Variants in EDN1 observed in about 807,000 individuals in gnomAD.
EDN1 encodes the protein endothelin 1, also known as endothelin-1.
Under a neutral mutation model 21.7 loss-of-function variants are expected in EDN1, and 11 were observed. The observed-to-expected ratio is 0.51, with a 90% CI of 0.32 to 0.84. The LOEUF (loss-of-function observed/expected upper bound fraction) is 0.84, where lower values mean the gene tolerates loss of function less well. Among genes scored for constraint, EDN1 ranks in the 40% least tolerant of loss-of-function variants. The probability of loss-of-function intolerance (pLI) is 0.03; values close to 1 mark genes in which losing one functional copy is unlikely to be tolerated. For synonymous variants in EDN1, 85 were observed against 90.6 expected (o/e 0.94, Z 0.35); for missense variants, 244 against 262.3 (o/e 0.93, Z 0.48).
At chr6:12,270,665 T>G in the EDN1 span, among the ~76,000 whole-genome samples, 1 of 152,122 alleles carries the variant, frequency 6.6e-6, no homozygotes, top group East Asian at 1.9e-4. Context: ...ATTTAAAAAT[T>G]TTTTTTGACA....
the EDN1 span, among the ~76,000 whole-genome samples, chr6:12,253,166 T>C: frequency 6.6e-6 from 1 of 152,172 alleles, no homozygotes; most frequent in Non-Finnish European, 1.5e-5. Context: ...AATGAAGAGC[T>C]TAAATTGAGT....
chr6:12,286,344 A>G (rs889914472), upstream of EDN1, among the ~76,000 whole-genome samples: 1 of 152,214 alleles, frequency 6.6e-6, no homozygotes, highest in Non-Finnish European at 1.5e-5. Context: ...TTTTTGGACT[A>G]TAGGGAGAAG....
chr6:12,256,107 A>G, the EDN1 span, among the ~76,000 whole-genome samples: 1 of 152,224 alleles, frequency 6.6e-6, no homozygotes, highest in Non-Finnish European at 1.5e-5. Context: ...GCATTTTGAG[A>G]GCCCAAGGCA....
chr6:12,273,536 A>T, the EDN1 span, among the ~76,000 whole-genome samples: 1 of 147,654 alleles, frequency 6.8e-6, no homozygotes, highest in African/African-American at 2.5e-5. Context: ...AAATTCAGCA[A>T]TTTTTTTTTC....
the EDN1 span, among the ~76,000 whole-genome samples, chr6:12,236,707 T>G: frequency 6.6e-6 from 1 of 152,066 alleles, no homozygotes; most frequent in Admixed American, 6.5e-5. Flanking sequence ...TATAAATCTC[T>G]TATCCTGAGT....
At chr6:12,238,258 C>T in the EDN1 span, among the ~76,000 whole-genome samples, 3 of 151,114 alleles carry the variant, frequency 2.0e-5, no homozygotes, top group East Asian at 3.9e-4. Flanking sequence ...ATTTGGTTTT[C>T]GTGGGAGTTT....
At chr6:12,267,050 A>G in the EDN1 span, among the ~76,000 whole-genome samples, 1 of 152,258 alleles carries the variant, frequency 6.6e-6, no homozygotes, top group Non-Finnish European at 1.5e-5. Context: ...GAATTAATGC[A>G]TAATTGTACA....
At chr6:12,294,158 T>C (rs935417700) in intron 3 of EDN1, 62 bp downstream of exon 3, 2 of 1,613,588 alleles carry the variant, frequency 1.2e-6, no homozygotes, top group South Asian at 1.1e-5. Context: ...CTTCCTATCA[T>C]GGTACTGCCT....
chr6:12,287,833 G>A (rs138730901), upstream of EDN1, among the ~76,000 whole-genome samples: 597 of 151,862 alleles, frequency 3.9e-3, 3 homozygotes, highest in African/African-American at 0.014. Context: ...TATTTGGCAC[G>A]GTGGGGCCCT....
intron 1 of EDN1, 57 bp downstream of exon 1, chr6:12,290,750 C>A: frequency 7.0e-7 from 1 of 1,422,354 alleles, no homozygotes; most frequent in Non-Finnish European, 1.0e-6. Flanking sequence ...TGTTCTTATC[C>A]ACCTTCATGC....
the EDN1 span, among the ~76,000 whole-genome samples, chr6:12,272,961 T>C: frequency 2.6e-5 from 4 of 152,314 alleles, no homozygotes; most frequent in East Asian, 7.7e-4. Flanking sequence ...TTAATCAATG[T>C]CCTGGAACTG....
chr6:12,254,722 G>A, the EDN1 span, among the ~76,000 whole-genome samples: 3 of 152,192 alleles, frequency 2.0e-5, no homozygotes, highest in Non-Finnish European at 4.4e-5. Flanking sequence ...AAGAAAACAT[G>A]CACATAATAA....
chr6:12,250,464 T>G, the EDN1 span, among the ~76,000 whole-genome samples: 3 of 152,190 alleles, frequency 2.0e-5, no homozygotes, highest in African/African-American at 7.2e-5. Context: ...TATTCAAAAT[T>G]TCTTGTCTTC....
At chr6:12,275,391 T>C in the EDN1 span, among the ~76,000 whole-genome samples, 1 of 152,176 alleles carries the variant, frequency 6.6e-6, no homozygotes, top group African/African-American at 2.4e-5. Flanking sequence ...CTTGGCCTGG[T>C]TACACATATT....
chr6:12,277,433 G>A, the EDN1 span, among the ~76,000 whole-genome samples: 2 of 152,218 alleles, frequency 1.3e-5, no homozygotes, highest in Admixed American at 1.3e-4. Flanking sequence ...AATGCGTGAT[G>A]TAAGTACTAC....
chr6:12,258,449 C>CAAAAAA, the EDN1 span, among the ~76,000 whole-genome samples: 4,041 of 63,318 alleles, frequency 0.064, 781 homozygotes, highest in South Asian at 0.21. Context: ...GATCATGTCT[C>CAAAAAA]AAAAAAAAAA....
the EDN1 span, among the ~76,000 whole-genome samples, chr6:12,251,683 C>T: frequency 1.3e-5 from 2 of 152,184 alleles, no homozygotes; most frequent in African/African-American, 4.8e-5. Context: ...CGAACCGATA[C>T]GGCCAGCTGG....
At chr6:12,245,065 C>A in the EDN1 span, among the ~76,000 whole-genome samples, 1 of 152,164 alleles carries the variant, frequency 6.6e-6, no homozygotes, top group South Asian at 2.1e-4. Flanking sequence ...AAAGAAGTCA[C>A]AAAATGTCTT....
At chr6:12,290,749 C>T in intron 1 of EDN1, 56 bp downstream of exon 1, 2 of 1,437,392 alleles carry the variant, frequency 1.4e-6, no homozygotes. Flanking sequence ...GTGTTCTTAT[C>T]CACCTTCATG....
Sources: gnomAD v4.1 joint callset for allele counts (sites outside exome capture counted in the v4.1 genomes callset) on GRCh38, gnomAD v4.1.1 for gene constraint, MANE v1.5 for transcripts, NCBI Gene and HGNC (gene_info 2026-07-23, HGNC 2026-07-21) for gene names.